Variants in TMEM204 observed in about 807,000 individuals in gnomAD.
TMEM204 encodes the protein claudin-like protein 24.
A neutral mutation model predicts 19.4 loss-of-function variants in TMEM204; 15 were observed. The observed-to-expected ratio is 0.77, with a 90% CI of 0.52 to 1.19. The LOEUF (loss-of-function observed/expected upper bound fraction) is 1.19. TMEM204 is among the 50% of genes most tolerant of loss of function. The pLI is 0.00. For missense variants in TMEM204, 287 were observed against 321.2 expected (o/e 0.89, Z 0.81); for synonymous variants, 161 against 146.0 (o/e 1.10, Z -0.74).
At chr16:1,547,824 C>A (rs1055435573) in intron 2 of TMEM204, among the ~76,000 whole-genome samples, 2 of 152,204 alleles carry the variant, frequency 1.3e-5, no homozygotes, top group Non-Finnish European at 2.9e-5. Flanking sequence ...GCGTGAGTCA[C>A]TGTGCCTGGC....
intron 1 of TMEM204, 106 bp downstream of exon 1, chr16:1,534,661 G>A: frequency 2.6e-6 from 4 of 1,518,446 alleles, no homozygotes; most frequent in Non-Finnish European, 3.6e-6. Context: ...CCTGGCCCCT[G>A]CTCTGCCCTG....
chr16:1,538,178 G>C (rs1471231223), intron 1 of TMEM204, among the ~76,000 whole-genome samples: 1 of 152,202 alleles, frequency 6.6e-6, no homozygotes, highest in Admixed American at 6.5e-5. Flanking sequence ...TCCTGGCAGG[G>C]CGGTGGGTCT....
At chr16:1,545,346 C>T (rs969803016) in intron 2 of TMEM204, among the ~76,000 whole-genome samples, 9 of 152,204 alleles carry the variant, frequency 5.9e-5, no homozygotes, top group South Asian at 4.2e-4. Context: ...GCTTTTCTTG[C>T]CCCCACAGGC....
chr16:1,540,138 G>T (rs1332102570), intron 1 of TMEM204, among the ~76,000 whole-genome samples: 1 of 152,202 alleles, frequency 6.6e-6, no homozygotes, highest in Non-Finnish European at 1.5e-5. Context: ...AGACTGAGAC[G>T]ATCCCACACA....
intron 1 of TMEM204, among the ~76,000 whole-genome samples, chr16:1,537,136 T>C (rs2031153880): frequency 6.6e-6 from 1 of 152,222 alleles, no homozygotes; most frequent in Non-Finnish European, 1.5e-5. Flanking sequence ...GGGTGCTGGT[T>C]TGCTCACAAT....
chr16:1,530,416 C>T (rs1331159407), upstream of TMEM204, among the ~76,000 whole-genome samples: 4 of 152,088 alleles, frequency 2.6e-5, no homozygotes, highest in Admixed American at 2.6e-4. Context: ...CAGGTGTGAG[C>T]CACTGCGCCC....
At chr16:1,534,626 C>T (rs953405013) in intron 1 of TMEM204, 71 bp downstream of exon 1, 18 of 1,587,948 alleles carry the variant, frequency 1.1e-5, no homozygotes, top group Admixed American at 3.3e-5. Context: ...ATGTTAGGCG[C>T]GGACCTGGTG....
chr16:1,554,734 C>A, intron 2 of TMEM204, 48 bp from the exon 3 acceptor site: 1 of 1,601,630 alleles, frequency 6.2e-7, no homozygotes. Context: ...AGGAGTGGAA[C>A]CCGCCTTCCT....
intron 2 of TMEM204, 140 bp downstream of exon 2, chr16:1,542,216 GC>G: frequency 1.1e-6 from 1 of 897,640 alleles, no homozygotes. Context: ...CCACTGAGAA[GC>G]CCCATGGGGC....
In TMEM204 at chr16:1,544,393, G is replaced by A. The variant is rs938549741; in HGVS notation, c.436+2317G>A. ...GTAGAGATGGGGTTTCACTATGTTC[G>A]CCAGGATGGTCTCGATCTCCTGACC... is the stretch of plus-strand genomic sequence containing the variant. On this transcript the variant is annotated intron_variant, in intron 2 of 2. Coordinates refer to ENST00000566264, the MANE Select transcript of TMEM204 (RefSeq NM_024600.6). Among the ~76,000 whole-genome samples the A allele has an allele frequency of 2.6e-5, 4 of 151,872 alleles. No homozygotes were observed. In the South Asian group the frequency reaches 6.2e-4, roughly 24 times the overall value.
chr16:1,534,183 T>C lies in TMEM204; in HGVS notation c.-93T>C, dbSNP rs2030808620. On this transcript the variant is annotated 5_prime_UTR_variant, in exon 1 of 3. It removes the in-frame stop codon of an upstream open reading frame in the 5' UTR. Coordinates refer to ENST00000566264, the MANE Select transcript of TMEM204 (RefSeq NM_024600.6). The stretch of plus-strand genomic sequence containing the variant: ...CCCGAGGATGAGTGGTGATGTCCTC[T>C]AGCCACCCCTAGCAGCGTCGGCTCT... 6.5e-7 allele frequency: 1 copy of C among 1,529,004 alleles called. No individual in the cohort carries two copies. Among genetic ancestry groups the C allele is most frequent in the African/African-American group, 1.4e-5 (1 of 71,954 alleles). 94.7% of individuals were successfully genotyped at this position (1,529,004 alleles called of 1,614,324 possible). A position where few individuals can be genotyped will look rare whatever the true frequency, so the allele number is the denominator to read the frequency against.
intron 2 of TMEM204, among the ~76,000 whole-genome samples, chr16:1,543,191 C>A (rs535511053): frequency 4.3e-4 from 65 of 152,390 alleles, no homozygotes; most frequent in Admixed American, 2.9e-3. Flanking sequence ...GCTGCCCGCA[C>A]CCTCCTTCTC....
At chr16:1,534,650 G>T in intron 1 of TMEM204, 95 bp downstream of exon 1, 2 of 1,547,714 alleles carry the variant, frequency 1.3e-6, no homozygotes, top group East Asian at 2.2e-5. Flanking sequence ...GGGTGGGGAG[G>T]CCTGGCCCCT....
Position 1,553,838 on chromosome 16 carries a change from G to A in TMEM204, c.437-944G>A, listed in dbSNP as rs537481254. On this transcript the variant is annotated intron_variant, in intron 2 of 2. Coordinates refer to ENST00000566264, the MANE Select transcript of TMEM204 (RefSeq NM_024600.6). This position sits in a 1 kb window ranked among gnomAD's most constrained non-coding sequence, Gnocchi z 4.4. ...TTAGGACGCCCGGCTCCATCGCTGC[G>A]GCCACAGTGTCCTGTTATCCTAGTT... 3.1e-4 allele frequency: 380 copies of A among 1,212,528 alleles called. No homozygotes were observed. In the African/African-American group the frequency reaches 4.9e-3, roughly 16 times the overall value. 75.1% of individuals were successfully genotyped at this position (1,212,528 alleles called of 1,614,324 possible). A position where few individuals can be genotyped will look rare whatever the true frequency, so the allele number is the denominator to read the frequency against.
Position 1,541,950 on chromosome 16 carries a change from C to G in TMEM204, c.310C>G (p.Leu104Val), listed in dbSNP as rs753892008. The change falls in exon 2 of 3, where the codon CTG becomes GTG. Residue 104 changes from leucine to valine, a missense_variant. Transcript: ENST00000566264. ...GTTCGACATGATGCGCGCCTGCAAC[C>G]TGGTGGCCACGGCCGCGCTCACCGC... is the stretch of plus-strand genomic sequence containing the variant. ...LQFDMMRACN[L>V]VATAALTAGQ... The G allele has an allele frequency of 6.2e-7, 1 of 1,608,584 alleles. No individual in the cohort carries two copies. The highest frequency in any genetic ancestry group is 1.1e-5 in the South Asian group (1 of 90,712).
intron 2 of TMEM204, among the ~76,000 whole-genome samples, chr16:1,554,401 G>GC (rs888303871): frequency 1.3e-5 from 2 of 152,270 alleles, no homozygotes; most frequent in East Asian, 1.9e-4. Flanking sequence ...GCTAGGAAAG[G>GC]CCCCCCCAAG....
At chr16:1,536,509 G>A (rs1338451344) in intron 1 of TMEM204, among the ~76,000 whole-genome samples, 4 of 152,228 alleles carry the variant, frequency 2.6e-5, no homozygotes, top group African/African-American at 4.8e-5. Context: ...CAGTGAACCT[G>A]AGCAGCGAAG....
chr16:1,539,798 C>T (rs1450373269), intron 1 of TMEM204, among the ~76,000 whole-genome samples: 1 of 152,184 alleles, frequency 6.6e-6, no homozygotes, highest in Non-Finnish European at 1.5e-5. Context: ...CTCCGCTCTC[C>T]CCCTTGCCAG....
intron 2 of TMEM204, among the ~76,000 whole-genome samples, chr16:1,549,072 G>A (rs1019501577): frequency 6.6e-6 from 1 of 152,190 alleles, no homozygotes; most frequent in Non-Finnish European, 1.5e-5. Flanking sequence ...GCAACGTCCC[G>A]TTTTCACCGC....
Sources: allele counts gnomAD v4.1 joint callset (sites outside exome capture counted in the v4.1 genomes callset), GRCh38; gene constraint gnomAD v4.1.1; non-coding constraint Gnocchi (gnomAD v3.1); transcripts MANE v1.5; gene names NCBI Gene and HGNC (gene_info 2026-07-23, HGNC 2026-07-21).